The following DCC variants were observed in gnomAD, a reference collection of about 807,000 sequenced individuals.
The protein encoded by DCC is netrin receptor DCC.
In DCC, 58 loss-of-function variants were observed where a neutral mutation model predicts 172.5. That is an observed-to-expected ratio of 0.34 (90% CI 0.27 to 0.42). The LOEUF (loss-of-function observed/expected upper bound fraction) is 0.42. Ranked by LOEUF, DCC falls within the 10% of genes least tolerant of loss-of-function variation. The pLI is 1.00. For missense variants in DCC, 1,740 were observed against 1,791.0 expected (o/e 0.97, Z 0.51); for synonymous variants, 709 against 644.5 (o/e 1.10, Z -1.52).
chr18:53,418,042 T>A (rs572262622), intron 21 of DCC, among the ~76,000 whole-genome samples: 2 of 152,030 alleles, frequency 1.3e-5, no homozygotes, highest in Non-Finnish European at 2.9e-5. Flanking sequence ...AGTGGCTGAG[T>A]CCATTAATAT....
chr18:53,277,763 C>T (rs2056822761), intron 12 of DCC, among the ~76,000 whole-genome samples: 1 of 152,144 alleles, frequency 6.6e-6, no homozygotes, highest in Non-Finnish European at 1.5e-5. Context: ...AGCAGATCAG[C>T]AGCCATGCTG....
rs1011794955 is a variant in DCC at position 52,508,853 on chromosome 18, G to C, written c.91+167975G>C. 6.6e-5 allele frequency among the ~76,000 whole-genome samples: 10 copies of C among 152,274 alleles called. No homozygotes were observed. In the East Asian group the frequency reaches 1.9e-3, roughly 29 times the overall value. ...ACAGATGAAAAAAGGCTATAAGAGG[G>C]AAGAAGATGATGACAGAGTTCACAT... On this transcript the variant is annotated intron_variant, in intron 1 of 28. Coordinates refer to ENST00000442544, the MANE Select transcript of DCC (RefSeq NM_005215.4).
At chr18:52,835,318 C>A (rs2038685875) in intron 2 of DCC, among the ~76,000 whole-genome samples, 1 of 152,166 alleles carries the variant, frequency 6.6e-6, no homozygotes, top group Non-Finnish European at 1.5e-5. Context: ...ACTCAAGATG[C>A]CCAACCATTT....
At chr18:53,083,787 C>T (rs1212981197) in intron 7 of DCC, among the ~76,000 whole-genome samples, 1 of 152,076 alleles carries the variant, frequency 6.6e-6, no homozygotes, top group Non-Finnish European at 1.5e-5. Flanking sequence ...TCCAGATATT[C>T]AAAGTTTTGG....
chr18:52,804,312 G>T (rs781420808), intron 2 of DCC, among the ~76,000 whole-genome samples: 1 of 151,974 alleles, frequency 6.6e-6, no homozygotes, highest in Non-Finnish European at 1.5e-5. Flanking sequence ...TACATAAATT[G>T]GTCAATATCA....
intron 1 of DCC, among the ~76,000 whole-genome samples, chr18:52,479,038 C>A (rs142679620): frequency 1.5e-4 from 23 of 152,252 alleles, no homozygotes; most frequent in African/African-American, 5.1e-4. Flanking sequence ...ACCTTTACCA[C>A]CTGAGAGGTA....
At chr18:52,958,213 T>C (rs2040779276) in intron 5 of DCC, among the ~76,000 whole-genome samples, 1 of 152,162 alleles carries the variant, frequency 6.6e-6, no homozygotes, top group Non-Finnish European at 1.5e-5. Flanking sequence ...TTATTTTGTA[T>C]GATTTATTTT....
intron 2 of DCC, among the ~76,000 whole-genome samples, chr18:52,896,417 A>G (rs995985370): frequency 4.6e-5 from 7 of 152,312 alleles, no homozygotes; most frequent in African/African-American, 1.4e-4. Flanking sequence ...CAAAGATGAC[A>G]GCAGAGCTAA....
intron 3 of DCC, among the ~76,000 whole-genome samples, chr18:52,922,943 A>G (rs927262879): frequency 1.5e-4 from 23 of 152,164 alleles, no homozygotes; most frequent in African/African-American, 5.5e-4. Context: ...GAATCAAAAG[A>G]CTTCCTAAGT....
intron 1 of DCC, among the ~76,000 whole-genome samples, chr18:52,583,445 T>C (rs1048267599): frequency 6.6e-6 from 1 of 152,204 alleles, no homozygotes. Flanking sequence ...ATTTTTACTT[T>C]TATACTTTTC....
At chr18:53,395,357 T>C (rs1271611387) in intron 17 of DCC, among the ~76,000 whole-genome samples, 1 of 152,176 alleles carries the variant, frequency 6.6e-6, no homozygotes, top group Non-Finnish European at 1.5e-5. Flanking sequence ...CGATCTTACT[T>C]GTTGGCCTCT....
chr18:52,758,837 G>T (rs1415954973), intron 2 of DCC: 1 of 152,188 alleles, frequency 6.6e-6, no homozygotes, highest in Non-Finnish European at 1.5e-5. Flanking sequence ...CTGTGCAGCA[G>T]TCTGGAAAAT....
intron 12 of DCC, among the ~76,000 whole-genome samples, chr18:53,218,326 T>C (rs1012669977): frequency 4.6e-5 from 7 of 152,128 alleles, no homozygotes; most frequent in African/African-American, 1.7e-4. Flanking sequence ...AGGATCTCTG[T>C]ACATAAAACT....
At chr18:52,615,885 C>A (rs1180248191) in intron 1 of DCC, among the ~76,000 whole-genome samples, 1 of 151,964 alleles carries the variant, frequency 6.6e-6, no homozygotes, top group Non-Finnish European at 1.5e-5. Context: ...TTATGCTTAT[C>A]AATGTGTATA....
At chr18:53,067,131 AG>A (rs1326175463) in intron 7 of DCC, among the ~76,000 whole-genome samples, 13 of 152,316 alleles carry the variant, frequency 8.5e-5, no homozygotes, top group African/African-American at 3.1e-4. Flanking sequence ...CCATATCAAA[AG>A]GATCTTGAAA....
At chr18:53,044,472 C>T (rs2042210425) in intron 5 of DCC, among the ~76,000 whole-genome samples, 2 of 151,692 alleles carry the variant, frequency 1.3e-5, no homozygotes, top group Admixed American at 1.3e-4. Flanking sequence ...TAGAAATAAG[C>T]CATTTACCCT....
chr18:52,653,919 CCAAGCCTT>C, intron 1 of DCC, among the ~76,000 whole-genome samples: 1 of 152,028 alleles, frequency 6.6e-6, no homozygotes, highest in East Asian at 1.9e-4. Flanking sequence ...GTTTAGAGCT[CCAAGCCTT>C]TGTATTTATT....
intron 5 of DCC, among the ~76,000 whole-genome samples, chr18:52,932,470 T>TAC (rs1158881037): frequency 6.6e-6 from 1 of 152,146 alleles, no homozygotes; most frequent in Admixed American, 6.6e-5. Context: ...GTACTGTCCT[T>TAC]ACACACACAG....
intron 9 of DCC, among the ~76,000 whole-genome samples, chr18:53,189,285 C>A (rs1036081178): frequency 1.3e-5 from 2 of 152,096 alleles, no homozygotes; most frequent in African/African-American, 4.8e-5. Flanking sequence ...CAGATATTGG[C>A]ATTAGTGTCT....
Sources: gnomAD v4.1 joint callset for allele counts (sites outside exome capture counted in the v4.1 genomes callset) on GRCh38, gnomAD v4.1.1 for gene constraint, MANE v1.5 for transcripts, NCBI Gene and HGNC (gene_info 2026-07-23, HGNC 2026-07-21) for gene names.